UNC80: variants seen among roughly 807,000 people sequenced by gnomAD.
UNC80 encodes the protein protein unc-80 homolog.
A neutral mutation model predicts 384.6 loss-of-function variants in UNC80; 164 were observed. The ratio of observed to expected loss-of-function variants is 0.43; its 90% CI spans 0.38 to 0.49. The LOEUF (loss-of-function observed/expected upper bound fraction) is 0.49. Ranked by LOEUF, UNC80 falls within the 20% of genes least tolerant of loss-of-function variation. The probability of loss-of-function intolerance (pLI) is 0.00; values close to 1 mark genes in which losing one functional copy is unlikely to be tolerated. For missense variants in UNC80, 3,330 were observed against 4,143.0 expected (o/e 0.80, Z 5.39); for synonymous variants, 1,486 against 1,527.8 (o/e 0.97, Z 0.64).
intron 28 of UNC80, among the ~76,000 whole-genome samples, chr2:209,897,349 C>T (rs1181392797): frequency 2.0e-5 from 3 of 152,214 alleles, no homozygotes; most frequent in African/African-American, 7.2e-5. Context: ...CTACTCTTCC[C>T]TGACGGTAAC....
In UNC80 at chr2:209,976,413, A is replaced by C; in HGVS notation, c.8772+110A>C. Reference sequence around the variant, plus strand: ...CTCATGGTACCTACTGTTGCCAGTTAGTAGGGCCTGTTAATACCATGCTTG... The same window carrying C: ...CTCATGGTACCTACTGTTGCCAGTTCGTAGGGCCTGTTAATACCATGCTTG... On this transcript the variant is annotated intron_variant, in intron 57 of 64. Coordinates refer to ENST00000673920, the MANE Select transcript of UNC80 (RefSeq NM_001371986.1). The surrounding 1 kb of genome is among the most constrained non-coding windows in gnomAD (Gnocchi z 4.3). 1 of 1,370,622 alleles carries C rather than the reference A, an allele frequency of 7.3e-7. No homozygotes were observed. The highest frequency in any genetic ancestry group is 1.3e-5 in the South Asian group (1 of 77,308). 84.9% of individuals were successfully genotyped at this position (1,370,622 alleles called of 1,614,324 possible).
intron 28 of UNC80, among the ~76,000 whole-genome samples, chr2:209,903,058 T>C (rs1042772266): frequency 5.9e-5 from 9 of 151,840 alleles, no homozygotes; most frequent in Admixed American, 5.3e-4. Flanking sequence ...ATATAAACTA[T>C]GCACATCCTC....
chr2:209,864,036 T>C (rs2083531134), intron 22 of UNC80, among the ~76,000 whole-genome samples: 1 of 151,530 alleles, frequency 6.6e-6, no homozygotes, highest in African/African-American at 2.4e-5. Context: ...TTTTGTGTTG[T>C]TGTTGATGAT....
chr2:209,825,891 C>T lies in UNC80; in HGVS notation c.2332-16C>T, dbSNP rs2153828191. On this transcript the variant is annotated splice_polypyrimidine_tract_variant and intron_variant, in intron 13 of 64. Transcript: ENST00000673920. ...AGTAAACAGACTTTTCTTTCTTTCT[C>T]ATTCGTGGGTACCAGGATGAAAGTA... 6.6e-7 allele frequency: 1 copy of T among 1,517,168 alleles called. No homozygotes were observed. Among genetic ancestry groups the T allele is most frequent in the Non-Finnish European group, 8.8e-7 (1 of 1,133,744 alleles). 94.0% of individuals were successfully genotyped at this position (1,517,168 alleles called of 1,614,324 possible). A position where few individuals can be genotyped will look rare whatever the true frequency, so the allele number is the denominator to read the frequency against.
At chr2:209,810,938 C>T (rs1049682506) in intron 7 of UNC80, among the ~76,000 whole-genome samples, 5 of 151,500 alleles carry the variant, frequency 3.3e-5, no homozygotes, top group African/African-American at 1.2e-4. Context: ...AAGATTACAG[C>T]ATGGGGGTGG....
At chr2:209,880,933 CT>C in intron 24 of UNC80, 27 bp from the exon 25 acceptor site, 6 of 1,550,294 alleles carry the variant, frequency 3.9e-6, no homozygotes, top group Non-Finnish European at 5.2e-6. Context: ...GATTTGTCTC[CT>C]TATGAAAGAA....
At chr2:209,938,852 A>G (rs2091434814) in intron 42 of UNC80, among the ~76,000 whole-genome samples, 2 of 152,104 alleles carry the variant, frequency 1.3e-5, no homozygotes, top group African/African-American at 4.8e-5. Context: ...GGGAGATTAT[A>G]ACATGGAGGC....
intron 33 of UNC80, among the ~76,000 whole-genome samples, chr2:209,918,970 T>C (rs955156099): frequency 6.6e-6 from 1 of 152,192 alleles, no homozygotes; most frequent in African/African-American, 2.4e-5. Context: ...ACGAACATAC[T>C]TATTTAACCA....
intron 26 of UNC80, among the ~76,000 whole-genome samples, chr2:209,891,848 A>G (rs997410479): frequency 2.6e-5 from 4 of 152,156 alleles, no homozygotes; most frequent in African/African-American, 9.6e-5. Flanking sequence ...AATGAAGACA[A>G]TAGAGACACT....
At chr2:209,959,240 T>A in intron 50 of UNC80, 86 bp downstream of exon 50, 1 of 1,431,980 alleles carries the variant, frequency 7.0e-7, no homozygotes, top group South Asian at 1.2e-5. Flanking sequence ...TCTATTAGAT[T>A]TCATTTGATG....
intron 29 of UNC80, among the ~76,000 whole-genome samples, chr2:209,908,744 C>T (rs1405079989): frequency 4.0e-4 from 61 of 152,148 alleles, no homozygotes; most frequent in Non-Finnish European, 1.5e-5. Flanking sequence ...CTATGAGCAA[C>T]ATTATTGTAA....
rs188213264 is a variant in UNC80 at position 209,826,650 on chromosome 2, G to A, written c.2478+597G>A. On this transcript the variant is annotated intron_variant, in intron 14 of 64. Coordinates refer to ENST00000673920, the MANE Select transcript of UNC80 (RefSeq NM_001371986.1). Reference sequence around the variant, plus strand: ...AACTCTGCATTTGGGCTTGCCAAACGTAATTCTGTACTGGAAATGGTCTTC... The same window carrying A: ...AACTCTGCATTTGGGCTTGCCAAACATAATTCTGTACTGGAAATGGTCTTC... Among the ~76,000 whole-genome samples the A allele has an allele frequency of 1.1e-4, 17 of 152,264 alleles. No homozygotes were observed. The East Asian group carries it at 1.4e-3, about 12-fold the overall frequency.
At chr2:209,784,212 T>C (rs921570925) in intron 4 of UNC80, among the ~76,000 whole-genome samples, 1 of 152,128 alleles carries the variant, frequency 6.6e-6, no homozygotes, top group African/African-American at 2.4e-5. Context: ...AGTACCCCCA[T>C]CTAATCATCT....
rs182634633 is a variant in UNC80, at chr2:209,970,013, G to A, written c.8130+122G>A. 21 of 1,267,814 alleles carry A rather than the reference G, an allele frequency of 1.7e-5. No individual in the cohort carries two copies. In the East Asian group the frequency reaches 4.8e-4, roughly 29 times the overall value. 78.5% of individuals were successfully genotyped at this position (1,267,814 alleles called of 1,614,324 possible). ...CCCTATCTGCCCATGAAAACAGACG[G>A]CTCAGGTGACACTGAAAATAGTGAG... On this transcript the variant is annotated intron_variant, in intron 53 of 64. Transcript: ENST00000673920.
At chr2:209,949,929 G>C (rs906909303) in intron 47 of UNC80, among the ~76,000 whole-genome samples, 11 of 152,246 alleles carry the variant, frequency 7.2e-5, no homozygotes, top group Admixed American at 7.2e-4. Context: ...CCAGACTCGA[G>C]CAATCCTCCC....
chr2:209,813,580 G>T lies in UNC80; in HGVS notation c.939G>T (p.Arg313Ser). 6.4e-7 allele frequency: 1 copy of T among 1,550,476 alleles called. No homozygotes were observed. The highest frequency in any genetic ancestry group is 8.7e-7 in the Non-Finnish European group (1 of 1,146,282). The change falls in exon 8 of 65, where the codon AGG becomes AGT. Residue 313 changes from arginine (R) to serine (S), a missense_variant and splice_region_variant. By Grantham distance (110) the Arg-to-Ser change is moderately radical. Around this residue, in one of 8 missense-constraint regions of UNC80, gnomAD observed 937 missense variants for 1,026.8 expected, o/e 0.91. Transcript: ENST00000673920. ...TSQERGPSHS[R>S]ASLVIPPCQR... ...TTATCTTCTTTCTGCCATGGAACAGGGCCTCTCTTGTGATACCTCCGTGCC... is the reference window on the plus strand; with the variant it reads ...TTATCTTCTTTCTGCCATGGAACAGTGCCTCTCTTGTGATACCTCCGTGCC...
chr2:209,873,474 A>C (rs539179651), intron 23 of UNC80, among the ~76,000 whole-genome samples: 1 of 152,296 alleles, frequency 6.6e-6, no homozygotes, highest in East Asian at 1.9e-4. Context: ...GCCTTTGGAA[A>C]TTGCACTCAC....
chr2:209,969,401 G>C (rs539108797), intron 52 of UNC80: 2 of 196,130 alleles, frequency 1.0e-5, no homozygotes, highest in South Asian at 3.2e-4. Context: ...CTGATAAACA[G>C]GTTTCAGAAA....
chr2:209,873,007 C>T (rs1026995932), intron 23 of UNC80, 37 bp downstream of exon 23: 2 of 1,534,470 alleles, frequency 1.3e-6, no homozygotes, highest in African/African-American at 2.8e-5. Context: ...AATTAGGTTG[C>T]TTAAGTGAAG....
Sources: allele counts gnomAD v4.1 joint callset (sites outside exome capture counted in the v4.1 genomes callset), GRCh38; gene constraint gnomAD v4.1.1; regional missense constraint gnomAD v4.1.1; non-coding constraint Gnocchi (gnomAD v3.1); transcripts MANE v1.5; gene names NCBI Gene and HGNC (gene_info 2026-07-23, HGNC 2026-07-21).